CNTN3: variants seen among roughly 807,000 people sequenced by gnomAD.
CNTN3 encodes contactin-3.
A neutral mutation model predicts 119.1 loss-of-function variants in CNTN3; 60 were observed. That is an observed-to-expected ratio of 0.50 (90% CI 0.41 to 0.62). The LOEUF (loss-of-function observed/expected upper bound fraction) is 0.62, where lower values mean the gene tolerates loss of function less well. Among genes scored for constraint, CNTN3 ranks in the 20% least tolerant of loss-of-function variants. CNTN3 has a pLI of 0.00. For synonymous variants in CNTN3, 450 were observed against 438.7 expected (o/e 1.03, Z -0.32); for missense variants, 1,101 against 1,242.4 (o/e 0.89, Z 1.71).
At chr3:74,435,588 C>T (rs574752095) in intron 4 of CNTN3, among the ~76,000 whole-genome samples, 1 of 152,254 alleles carries the variant, frequency 6.6e-6, no homozygotes, top group East Asian at 1.9e-4. Context: ...TAAGAGTATG[C>T]TTCATCCACA....
At chr3:74,307,704 A>C (rs1474815844) in intron 13 of CNTN3, among the ~76,000 whole-genome samples, 1 of 152,206 alleles carries the variant, frequency 6.6e-6, no homozygotes, top group Non-Finnish European at 1.5e-5. Flanking sequence ...ACATTGTGAT[A>C]TCTACCACAT....
chr3:74,477,174 CCTA>C (rs1187740774), intron 4 of CNTN3, among the ~76,000 whole-genome samples: 2 of 152,102 alleles, frequency 1.3e-5, no homozygotes, highest in African/African-American at 4.8e-5. Context: ...AATCCACACA[CCTA>C]CTGAGATAAA....
intron 4 of CNTN3, among the ~76,000 whole-genome samples, chr3:74,454,120 C>T (rs1386929209): frequency 8.1e-6 from 1 of 123,634 alleles, no homozygotes; most frequent in Non-Finnish European, 1.7e-5. Context: ...GTGTTAAAGT[C>T]TCCCATTATT....
chr3:74,357,576 C>G (rs1340206585), intron 11 of CNTN3, among the ~76,000 whole-genome samples: 1 of 152,168 alleles, frequency 6.6e-6, no homozygotes, highest in Non-Finnish European at 1.5e-5. Flanking sequence ...ACCCACTGCA[C>G]TCGGCCTCAG....
intron 5 of CNTN3, among the ~76,000 whole-genome samples, chr3:74,397,348 T>C (rs777509711): frequency 6.6e-6 from 1 of 152,190 alleles, no homozygotes; most frequent in African/African-American, 2.4e-5. Flanking sequence ...TCTGATGACA[T>C]ACAAAGAGAT....
chr3:74,268,852 G>C (rs762204614), intron 20 of CNTN3, among the ~76,000 whole-genome samples: 1 of 152,048 alleles, frequency 6.6e-6, no homozygotes, highest in Non-Finnish European at 1.5e-5. Context: ...ACTACAGCAT[G>C]GTTTGTTCTA....
intron 1 of CNTN3, among the ~76,000 whole-genome samples, chr3:74,533,122 C>A (rs1703716394): frequency 6.6e-6 from 1 of 151,914 alleles, no homozygotes. Flanking sequence ...TGATGCCTGG[C>A]CAGTGCCAGA....
intron 4 of CNTN3, among the ~76,000 whole-genome samples, chr3:74,481,536 T>C (rs1702763438): frequency 6.6e-6 from 1 of 151,940 alleles, no homozygotes; most frequent in Non-Finnish European, 1.5e-5. Context: ...AATGAAATTA[T>C]AACATTTACT....
At chr3:74,608,606 C>A (rs1374054560) in intron 1 of CNTN3, among the ~76,000 whole-genome samples, 1 of 152,068 alleles carries the variant, frequency 6.6e-6, no homozygotes, top group Non-Finnish European at 1.5e-5. Context: ...CATCTGTTGT[C>A]AACTAATGAT....
At chr3:74,312,789 CA>C (rs1702724889) in intron 13 of CNTN3, among the ~76,000 whole-genome samples, 1 of 151,998 alleles carries the variant, frequency 6.6e-6, no homozygotes, top group East Asian at 1.9e-4. Flanking sequence ...AATTACAAGG[CA>C]TACTAAAAGG....
chr3:74,555,071 T>C (rs573966009), intron 1 of CNTN3, among the ~76,000 whole-genome samples: 1 of 152,322 alleles, frequency 6.6e-6, no homozygotes, highest in Non-Finnish European at 1.5e-5. Flanking sequence ...GCTCTTATTA[T>C]ATTGAGATAC....
At chr3:74,344,396 GGTTTTTTTTTTTTT>G (rs1703629269) in intron 11 of CNTN3, among the ~76,000 whole-genome samples, 1 of 87,812 alleles carries the variant, frequency 1.1e-5, no homozygotes, top group Non-Finnish European at 2.3e-5. Context: ...CTTACACAGT[GGTTTTTTTTTTTTT>G]TTTTTTTTTT....
intron 2 of CNTN3, among the ~76,000 whole-genome samples, chr3:74,509,682 ATC>A (rs1195178808): frequency 6.6e-6 from 1 of 152,042 alleles, no homozygotes; most frequent in Non-Finnish European, 1.5e-5. Context: ...TTAAACCGGA[ATC>A]TCTCTATACT....
chr3:74,569,366 G>A (rs1018437840), intron 1 of CNTN3, among the ~76,000 whole-genome samples: 1 of 152,124 alleles, frequency 6.6e-6, no homozygotes, highest in Non-Finnish European at 1.5e-5. Flanking sequence ...ACTATGGGGT[G>A]TAATCTACAC....
intron 19 of CNTN3, among the ~76,000 whole-genome samples, chr3:74,287,788 A>T (rs1351446132): frequency 6.6e-6 from 1 of 152,158 alleles, no homozygotes; most frequent in African/African-American, 2.4e-5. Flanking sequence ...ATTACCCTGC[A>T]TTCCCCAATG....
chr3:74,541,138 A>G (rs1415181798), intron 1 of CNTN3, among the ~76,000 whole-genome samples: 1 of 152,146 alleles, frequency 6.6e-6, no homozygotes, highest in Non-Finnish European at 1.5e-5. Context: ...GTAGGAGTGT[A>G]AGTCCATACT....
intron 1 of CNTN3, among the ~76,000 whole-genome samples, chr3:74,590,165 C>G (rs1704677147): frequency 6.6e-6 from 1 of 151,164 alleles, no homozygotes; most frequent in Non-Finnish European, 1.5e-5. Flanking sequence ...TCCAGGACCT[C>G]ACTCCACTCA....
intron 1 of CNTN3, among the ~76,000 whole-genome samples, chr3:74,546,635 T>A (rs1166395107): frequency 1.3e-5 from 2 of 152,198 alleles, no homozygotes; most frequent in African/African-American, 2.4e-5. Context: ...CTTGGACTCA[T>A]ACCAGTGGTT....
At chr3:74,337,578 C>T (rs1242557496) in intron 11 of CNTN3, among the ~76,000 whole-genome samples, 1 of 151,944 alleles carries the variant, frequency 6.6e-6, no homozygotes, top group Non-Finnish European at 1.5e-5. Context: ...GAAACGAGAA[C>T]CAAGTGAAAG....
Sources: gnomAD v4.1 joint callset for allele counts (sites outside exome capture counted in the v4.1 genomes callset) on GRCh38, gnomAD v4.1.1 for gene constraint, MANE v1.5 for transcripts, NCBI Gene and HGNC (gene_info 2026-07-23, HGNC 2026-07-21) for gene names.